LYST: variants seen among roughly 807,000 people sequenced by gnomAD.
LYST encodes the protein lysosomal-trafficking regulator.
In LYST, 192 loss-of-function variants were observed where a neutral mutation model predicts 413.6. The observed-to-expected ratio is 0.46, with a 90% CI of 0.41 to 0.52. The LOEUF (loss-of-function observed/expected upper bound fraction) is 0.52, where lower values mean the gene tolerates loss of function less well. Ranked by LOEUF, LYST falls within the 20% of genes least tolerant of loss-of-function variation. The pLI is 0.00. For synonymous variants in LYST, 1,525 were observed against 1,567.3 expected (o/e 0.97, Z 0.64); for missense variants, 3,815 against 4,499.9 (o/e 0.85, Z 4.35).
chr1:235,744,162 G>C lies in LYST; in HGVS notation c.7973-5C>G, dbSNP rs779439640. 21 of 1,494,126 alleles carry C rather than the reference G, an allele frequency of 1.4e-5. No individual in the cohort carries two copies. The highest frequency in any genetic ancestry group is 1.7e-4 in the Middle Eastern group (1 of 5,844). The allele number at this position is 1,494,126 out of a possible 1,614,324, so 92.6% of individuals were successfully genotyped here. A position where few individuals can be genotyped will look rare whatever the true frequency, so the allele number is the denominator to read the frequency against. On this transcript the variant is annotated splice_polypyrimidine_tract_variant and splice_region_variant and intron_variant, in intron 29 of 52. Transcript: ENST00000389793. ...CAATAATGTCTGAATTAAATTCTTT[G>C]AATTGAAAAAAAGAATACAAAATTA...
rs1345330036 is a variant in LYST at position 235,668,766 on chromosome 1, C to G, written c.11039-4145G>C. ...ATTATATTATTTCCCCAGTATTCCTCTTGATATGACACACTAAAAGCTGCT... is the reference window on the plus strand; with the variant it reads ...ATTATATTATTTCCCCAGTATTCCTGTTGATATGACACACTAAAAGCTGCT... On this transcript the variant is annotated intron_variant, in intron 50 of 52. Transcript: ENST00000389793. Among the ~76,000 whole-genome samples the G allele has an allele frequency of 3.9e-5, 6 of 152,164 alleles. No individual in the cohort carries two copies. In the South Asian group the frequency reaches 1.0e-3, roughly 26 times the overall value.
chr1:235,693,475 T>C lies in LYST; in HGVS notation c.10576A>G (p.Met3526Val), dbSNP rs376161116. The change falls in exon 47 of 53, where the codon ATG (methionine) becomes GTG (valine). Residue 3526 changes from methionine to valine, a missense_variant. Coordinates refer to ENST00000389793, the MANE Select transcript of LYST (RefSeq NM_000081.4). ...TYSKEQGVRS[M>V]NSTDIQWSAI... ...GACCACTGAATGTCCGTACTGTTCA[T>C]GCTTCTCACACCTCAAGGAGAAGGA... 1.9e-6 allele frequency: 3 copies of C among 1,613,994 alleles called. No homozygotes were observed. In the African/African-American group the frequency reaches 4.0e-5, roughly 22 times the overall value.
chr1:235,820,544 A>AT (rs917070488), intron 3 of LYST, among the ~76,000 whole-genome samples: 2 of 151,456 alleles, frequency 1.3e-5, no homozygotes, highest in Non-Finnish European at 2.9e-5. Context: ...TGATTTTTGT[A>AT]TTTTTTTGTA....
chr1:235,761,736 C>T (rs757860048), intron 22 of LYST, among the ~76,000 whole-genome samples: 3 of 149,420 alleles, frequency 2.0e-5, no homozygotes, highest in East Asian at 2.0e-4. Context: ...ATAGGGAAAG[C>T]GAGACAAGGG....
rs749009959 is a variant in LYST at position 235,854,006 on chromosome 1, T to A, written c.-98+12837A>T. ...CATTTAAAGGAACTATGAAGGTTCA[T>A]CCAGGTAAATCATCTCCCCGGCTTT... is the stretch of plus-strand genomic sequence containing the variant. On this transcript the variant is annotated intron_variant, in intron 1 of 52. Coordinates refer to ENST00000389793, the MANE Select transcript of LYST (RefSeq NM_000081.4). This position sits in a 1 kb window ranked among gnomAD's most constrained non-coding sequence, Gnocchi z 4.1. Among the ~76,000 whole-genome samples the A allele has an allele frequency of 4.6e-5, 7 of 152,158 alleles. No individual in the cohort carries two copies. Among genetic ancestry groups the A allele is most frequent in the Non-Finnish European group, 1.0e-4 (7 of 68,034 alleles).
At chr1:235,755,744 A>G (rs1666981704) in intron 24 of LYST, 97 bp from the exon 25 acceptor site, 3 of 713,350 alleles carry the variant, frequency 4.2e-6, no homozygotes, top group Admixed American at 4.4e-5. Flanking sequence ...AATTAAGTTC[A>G]TATGTACAGA....
intron 13 of LYST, 46 bp from the exon 14 acceptor site, chr1:235,787,419 G>C: frequency 6.8e-7 from 1 of 1,462,184 alleles, no homozygotes; most frequent in Non-Finnish European, 9.6e-7. Flanking sequence ...TGAAAATTCT[G>C]ACCTCAGTGT....
In LYST at chr1:235,809,927, C is replaced by T. The variant is rs1236948785; in HGVS notation, c.891G>A (p.Gly297=). Residue 297 remains glycine, a synonymous_variant, in exon 5 of 53, where the codon GGG becomes GGA. Transcript: ENST00000389793. This position sits in a 1 kb window ranked among gnomAD's most constrained non-coding sequence, Gnocchi z 4.0. ...AGTTGTCGCTCAGACTGCAGCAGTCCCCAAAGCCTGCTAGGAATTCAGTTA... is the reference window on the plus strand; with the variant it reads ...AGTTGTCGCTCAGACTGCAGCAGTCTCCAAAGCCTGCTAGGAATTCAGTTA... ...PTLTEFLAGF[G]DCCSLSDNLE... is the part of the protein sequence containing the mutation. The T allele has an allele frequency of 6.2e-7, 1 of 1,613,878 alleles. No individual in the cohort carries two copies. Among genetic ancestry groups the T allele is most frequent in the South Asian group, 1.1e-5 (1 of 91,076 alleles).
At chr1:235,833,528 A>G (rs1017324869) in intron 2 of LYST, 50 bp downstream of exon 2, 1 of 362,272 alleles carries the variant, frequency 2.8e-6, no homozygotes, top group African/African-American at 2.2e-5. Flanking sequence ...TGTAGTTTCA[A>G]GCCTTCAAAA....
At chr1:235,712,347 T>G (rs1662464299) in intron 42 of LYST, 150 bp from the exon 43 acceptor site, 3 of 613,492 alleles carry the variant, frequency 4.9e-6, no homozygotes, top group Non-Finnish European at 8.3e-6. Flanking sequence ...TTCATGTTCT[T>G]GAAAATAAAT....
chr1:235,866,953 C>G (rs1251009185), upstream of LYST: 1 of 148,692 alleles, frequency 6.7e-6, no homozygotes, highest in African/African-American at 2.5e-5. Context: ...GCCCAGGTAA[C>G]CCAGGAAACC....
intron 47 of LYST, among the ~76,000 whole-genome samples, chr1:235,691,078 A>G (rs993833054): frequency 5.9e-5 from 9 of 151,856 alleles, no homozygotes; most frequent in African/African-American, 9.7e-5. Flanking sequence ...CACCACGCCC[A>G]GCTAATTTTT....
chr1:235,738,440 CT>C, intron 31 of LYST: 1 of 1,613,014 alleles, frequency 6.2e-7, no homozygotes, highest in East Asian at 2.2e-5. Context: ...CCTATAGTGG[CT>C]TGGAAGATAA....
intron 13 of LYST, 112 bp downstream of exon 13, chr1:235,788,589 G>A: frequency 1.1e-6 from 1 of 947,536 alleles, no homozygotes; most frequent in South Asian, 1.4e-5. Flanking sequence ...TTTTAAATGA[G>A]ACTTTTTGTT....
intron 1 of LYST, among the ~76,000 whole-genome samples, chr1:235,860,208 T>C (rs1179239799): frequency 6.6e-6 from 1 of 152,208 alleles, no homozygotes; most frequent in Non-Finnish European, 1.5e-5. Context: ...AGAAGAGTTT[T>C]AGGTTCACAA....
In LYST at chr1:235,775,009, T is replaced by A. The variant is rs564628091; in HGVS notation, c.5538A>T (p.Gln1846His). 1 of 1,610,720 alleles carries A rather than the reference T, an allele frequency of 6.2e-7. No homozygotes were observed. Among genetic ancestry groups the A allele is most frequent in the Admixed American group, 1.7e-5 (1 of 59,984 alleles). The change falls in exon 18 of 53, where the codon CAA becomes CAT. Residue 1846 changes from glutamine to histidine, a missense_variant. Around this residue, in one of 4 missense-constraint regions of LYST, gnomAD observed 530 missense variants for 696.5 expected, o/e 0.76. Coordinates refer to ENST00000389793, the MANE Select transcript of LYST (RefSeq NM_000081.4). Reference sequence around the variant, plus strand: ...AATTTTCTAATTCATGTACTCTTTGTTGGTTGTATTTAATTAATGAGAGTA... The same window carrying A: ...AATTTTCTAATTCATGTACTCTTTGATGGTTGTATTTAATTAATGAGAGTA... ...RVILSLIKYN[Q>H]QRVHELENCN...
At chr1:235,731,211 G>A (rs1664349295) in intron 34 of LYST, 34 bp from the exon 35 acceptor site, 4 of 1,594,102 alleles carry the variant, frequency 2.5e-6, no homozygotes, top group Non-Finnish European at 3.4e-6. Context: ...TGTTTTAAGT[G>A]ACCATCCAGG....
intron 32 of LYST, 66 bp downstream of exon 32, chr1:235,734,417 T>A: frequency 8.1e-7 from 1 of 1,227,784 alleles, no homozygotes; most frequent in South Asian, 1.2e-5. Context: ...CTTAAAAAAG[T>A]AGTGTCAATC....
chr1:235,763,787 C>G (rs1374570011), intron 21 of LYST, among the ~76,000 whole-genome samples: 1 of 152,090 alleles, frequency 6.6e-6, no homozygotes, highest in Non-Finnish European at 1.5e-5. Flanking sequence ...TTGACCTCTT[C>G]TCTTCCCTAC....
Sources: gnomAD v4.1 joint callset for allele counts (sites outside exome capture counted in the v4.1 genomes callset) on GRCh38, gnomAD v4.1.1 for gene constraint, gnomAD v4.1.1 regional missense constraint, Gnocchi (gnomAD v3.1) non-coding constraint, MANE v1.5 for transcripts, NCBI Gene and HGNC (gene_info 2026-07-23, HGNC 2026-07-21) for gene names.